GRIK3: variants seen among roughly 807,000 people sequenced by gnomAD.
GRIK3 encodes glutamate receptor ionotropic, kainate 3.
GRIK3 carries 29 observed loss-of-function variants against 102.5 expected under a neutral mutation model. That is an observed-to-expected ratio of 0.28 (90% confidence interval 0.21 to 0.39). The LOEUF is 0.39. Ranked by LOEUF, GRIK3 falls within the 10% of genes least tolerant of loss-of-function variation. The probability of loss-of-function intolerance (pLI) is 1.00; values close to 1 mark genes in which losing one functional copy is unlikely to be tolerated. For synonymous variants in GRIK3, 511 were observed against 504.9 expected, an observed-to-expected ratio of 1.01 and a Z score of -0.16; for missense variants, 908 against 1,252.4, an observed-to-expected ratio of 0.73 and a Z score of 4.15.
In GRIK3 at chr1:36,961,701, C is replaced by T. The variant is rs375870440; in HGVS notation, c.116-70605G>A. On this transcript the variant is annotated intron_variant, in intron 1 of 15. Transcript: ENST00000373091. Reference sequence around the variant, plus strand: ...CGAGATGGCAGAGCCAGGATGTGTTCGATGAAATCATTTTGCCGAAGGATG... The same window carrying T: ...CGAGATGGCAGAGCCAGGATGTGTTTGATGAAATCATTTTGCCGAAGGATG... Among the ~76,000 whole-genome samples the T allele has an allele frequency of 7.9e-5, 12 of 152,314 alleles. No homozygotes were observed. In the East Asian group the frequency reaches 2.3e-3, roughly 29 times the overall value.
chr1:36,969,653 A>G (rs980977995), intron 1 of GRIK3, among the ~76,000 whole-genome samples: 14 of 152,318 alleles, frequency 9.2e-5, no homozygotes, highest in African/African-American at 3.4e-4. Flanking sequence ...TTTTCTGAGG[A>G]TATTCGAAAG....
rs975183622 is a variant in GRIK3 at position 36,805,207 on chromosome 1, G to A, written c.2345C>T (p.Ala782Val). Residue 782 changes from alanine to valine, a missense_variant, in exon 15 of 16, where the codon GCC becomes GTC. Physicochemically the swap from Ala to Val is moderately conservative, Grantham distance 64. Around this residue, in one of 3 missense-constraint regions of GRIK3, gnomAD observed 297 missense variants for 362.7 expected, o/e 0.82. Transcript: ENST00000373091. Reference protein sequence around the residue: ...GSPYRDKITIAILQLQEEDKL... With the variant: ...GSPYRDKITIVILQLQEEDKL... ...GTCCTCCTCCTGAAGCTGCAGGATG[G>A]CGATGGTGATCTTGTCCCGGTATGG... 2 of 1,613,432 alleles carry A rather than the reference G, an allele frequency of 1.2e-6. No individual in the cohort carries two copies. Among genetic ancestry groups the A allele is most frequent in the Non-Finnish European group, 1.7e-6 (2 of 1,179,572 alleles).
intron 1 of GRIK3, among the ~76,000 whole-genome samples, chr1:37,009,476 G>A (rs1299991990): frequency 2.0e-5 from 3 of 152,208 alleles, no homozygotes; most frequent in East Asian, 1.9e-4. Context: ...GGAGCTCGCC[G>A]AAGCGAAGTC....
chr1:36,841,719 C>T lies in GRIK3; in HGVS notation c.1530+17G>A. ...CCCCAGGGTCCTGAGCCCTCCCATG[C>T]TCCCATCCATGCTTACGTGGTCGAT... On this transcript the variant is annotated intron_variant, in intron 10 of 15. Transcript: ENST00000373091. The T allele has an allele frequency of 1.9e-6, 3 of 1,605,176 alleles. No homozygotes were observed. Among genetic ancestry groups the T allele is most frequent in the Non-Finnish European group, 1.7e-6 (2 of 1,171,792 alleles).
rs183893593 is a variant in GRIK3 at position 36,970,891 on chromosome 1, T to C, written c.115+63103A>G. On this transcript the variant is annotated intron_variant, in intron 1 of 15. Transcript: ENST00000373091. The stretch of plus-strand genomic sequence containing the variant: ...TTCACTACCACAAGAAGAATGACCC[T>C]ATATTTTATTCCAAGACAGTCCTGG... Among the ~76,000 whole-genome samples the C allele has an allele frequency of 2.3e-3, 350 of 152,358 alleles. 2 individuals are homozygous for C. The highest frequency in any genetic ancestry group is 8.1e-3 in the African/African-American group (337 of 41,578).
chr1:36,806,156 G>A lies in GRIK3; in HGVS notation c.2262C>T (p.Thr754=), dbSNP rs771803042. 5 of 1,614,142 alleles carry A rather than the reference G, an allele frequency of 3.1e-6. No individual in the cohort carries two copies. Among genetic ancestry groups the A allele is most frequent in the Non-Finnish European group, 4.2e-6 (5 of 1,180,010 alleles). The change falls in exon 14 of 16, where the codon ACC becomes ACT. Residue 754 remains threonine, a synonymous_variant. Coordinates refer to ENST00000373091, the MANE Select transcript of GRIK3 (RefSeq NM_000831.4). This position sits in a 1 kb window ranked among gnomAD's most constrained non-coding sequence, Gnocchi z 4.0. ...EYVTQRNCNL[T]QIGGLIDSKG... ...TGGAGTCAATGAGGCCCCCGATCTG[G>A]GTGAGGTTGCAGTTCCTCTGCGTGA...
At chr1:36,930,489 T>C (rs1641575501) in intron 1 of GRIK3, among the ~76,000 whole-genome samples, 1 of 152,182 alleles carries the variant, frequency 6.6e-6, no homozygotes, top group African/African-American at 2.4e-5. Flanking sequence ...GATGAGAAAA[T>C]GGAGGCCAAT....
At chr1:36,888,166 G>GATTTGTTTA (rs1641063477) in intron 2 of GRIK3, among the ~76,000 whole-genome samples, 1 of 152,142 alleles carries the variant, frequency 6.6e-6, no homozygotes, top group Non-Finnish European at 1.5e-5. Context: ...AAGTGAAATG[G>GATTTGTTTA]ATTTGTTTAA....
intron 14 of GRIK3, among the ~76,000 whole-genome samples, 168 bp downstream of exon 14, chr1:36,805,936 C>CAAAA (rs749853809): frequency 6.3e-4 from 20 of 31,554 alleles, no homozygotes; most frequent in African/African-American, 1.3e-3. Context: ...AACTCCACCT[C>CAAAA]AAAAAAAAAA....
intron 7 of GRIK3, among the ~76,000 whole-genome samples, chr1:36,858,026 G>A (rs1015662717): frequency 3.9e-5 from 6 of 152,254 alleles, no homozygotes; most frequent in South Asian, 2.1e-4. Flanking sequence ...CTTCATTTCC[G>A]GCCCGCTGTG....
intron 1 of GRIK3, among the ~76,000 whole-genome samples, chr1:36,956,739 C>A (rs1425742189): frequency 2.6e-5 from 4 of 152,222 alleles, no homozygotes; most frequent in African/African-American, 9.6e-5. Context: ...AAGTATGAAG[C>A]CAGACTGGCC....
intron 1 of GRIK3, among the ~76,000 whole-genome samples, chr1:36,979,550 T>C (rs1008547168): frequency 7.9e-5 from 12 of 152,368 alleles, no homozygotes; most frequent in African/African-American, 2.6e-4. Context: ...TCAGGTTTTG[T>C]ATCACATGCT....
intron 1 of GRIK3, among the ~76,000 whole-genome samples, chr1:36,974,421 A>G (rs1642174270): frequency 6.6e-6 from 1 of 152,230 alleles, no homozygotes; most frequent in South Asian, 2.1e-4. Flanking sequence ...TAATAGCCCA[A>G]AGGTGGAAAC....
intron 1 of GRIK3, among the ~76,000 whole-genome samples, chr1:36,950,454 C>T (rs982593211): frequency 6.6e-6 from 1 of 152,198 alleles, no homozygotes; most frequent in African/African-American, 2.4e-5. Context: ...ATTTATTTGA[C>T]AAATCCTAAC....
At chr1:37,028,956 G>A (rs895298498) in intron 1 of GRIK3, among the ~76,000 whole-genome samples, 2 of 152,246 alleles carry the variant, frequency 1.3e-5, no homozygotes, top group African/African-American at 4.8e-5. Context: ...TTGGCACAGT[G>A]CTTAGTGGCT....
intron 1 of GRIK3, among the ~76,000 whole-genome samples, chr1:36,897,669 G>A (rs1641187785): frequency 6.6e-6 from 1 of 152,150 alleles, no homozygotes; most frequent in South Asian, 2.1e-4. Context: ...GTGGAGAAAA[G>A]GGAACCCTCA....
intron 2 of GRIK3, among the ~76,000 whole-genome samples, chr1:36,887,861 C>T (rs181435703): frequency 7.6e-4 from 115 of 150,642 alleles, no homozygotes; most frequent in African/African-American, 2.3e-3. Context: ...AGACTCACTA[C>T]AGAAACCACC....
At chr1:36,969,598 C>T (rs1642119578) in intron 1 of GRIK3, among the ~76,000 whole-genome samples, 1 of 152,190 alleles carries the variant, frequency 6.6e-6, no homozygotes, top group South Asian at 2.1e-4. Flanking sequence ...GAGTAGAGAC[C>T]TGCATAAAGT....
At chr1:36,822,303 G>A (rs376800949) in intron 11 of GRIK3, among the ~76,000 whole-genome samples, 43 of 152,340 alleles carry the variant, frequency 2.8e-4, no homozygotes, top group African/African-American at 9.4e-4. Context: ...AAAAATAACC[G>A]CTTCTAGAAT....
Sources: gnomAD v4.1 joint callset for allele counts (sites outside exome capture counted in the v4.1 genomes callset) on GRCh38, gnomAD v4.1.1 for gene constraint, gnomAD v4.1.1 regional missense constraint, Gnocchi (gnomAD v3.1) non-coding constraint, MANE v1.5 for transcripts, NCBI Gene and HGNC (gene_info 2026-07-23, HGNC 2026-07-21) for gene names.